The following MAP2K6 variants were observed in gnomAD, a reference collection of about 807,000 sequenced individuals.
The protein encoded by MAP2K6 is dual specificity mitogen-activated protein kinase kinase 6.
MAP2K6 carries 16 observed loss-of-function variants against 53.7 expected under a neutral mutation model. The ratio of observed to expected loss-of-function variants is 0.30; its 90% confidence interval spans 0.20 to 0.45. The LOEUF is 0.45. Among genes scored for constraint, MAP2K6 ranks in the 20% least tolerant of loss-of-function variants. The pLI, the probability that MAP2K6 is intolerant of heterozygous loss-of-function variation, is 1.00. For synonymous variants in MAP2K6, 132 were observed against 143.1 expected (o/e 0.92, Z 0.55); for missense variants, 204 against 411.9 (o/e 0.50, Z 4.37).
intron 7 of MAP2K6, among the ~76,000 whole-genome samples, chr17:69,523,223 C>T (rs999885872): frequency 6.6e-6 from 1 of 152,150 alleles, no homozygotes; most frequent in Non-Finnish European, 1.5e-5. Context: ...TTTTTAGGCT[C>T]TTACTACAAG....
intron 4 of MAP2K6, among the ~76,000 whole-genome samples, chr17:69,518,568 T>C (rs1440194918): frequency 1.3e-5 from 2 of 152,198 alleles, no homozygotes; most frequent in East Asian, 3.8e-4. Flanking sequence ...TCATAAAGAA[T>C]TAACATCTCT....
intron 1 of MAP2K6, among the ~76,000 whole-genome samples, chr17:69,425,185 T>C (rs1906228327): frequency 1.3e-5 from 2 of 152,196 alleles, no homozygotes; most frequent in Non-Finnish European, 2.9e-5. Flanking sequence ...AAATGATGAA[T>C]GAACCCACAT....
intron 1 of MAP2K6, among the ~76,000 whole-genome samples, chr17:69,478,828 A>G (rs896012346): frequency 6.6e-6 from 1 of 152,072 alleles, no homozygotes; most frequent in African/African-American, 2.4e-5. Flanking sequence ...TGAAAGTGCT[A>G]TGTATTTATC....
At chr17:69,517,031 A>G in intron 3 of MAP2K6, 128 bp downstream of exon 3, 1 of 702,012 alleles carries the variant, frequency 1.4e-6, no homozygotes, top group Non-Finnish European at 2.4e-6. Context: ...TTTAAAGGGA[A>G]GTGGTATGCA....
chr17:69,450,957 T>G (rs1033972445), intron 1 of MAP2K6, among the ~76,000 whole-genome samples: 4 of 151,782 alleles, frequency 2.6e-5, no homozygotes, highest in African/African-American at 9.7e-5. Context: ...ATCCTGAAAA[T>G]GTTTATGGAA....
chr17:69,518,867 T>C lies in MAP2K6; in HGVS notation c.247-446T>C, dbSNP rs181071525. Among the ~76,000 whole-genome samples the C allele has an allele frequency of 4.8e-3, 736 of 152,332 alleles. 9 individuals are homozygous for C. The highest frequency in any genetic ancestry group is 7.5e-3 in the Admixed American group (115 of 15,304). On this transcript the variant is annotated intron_variant, in intron 4 of 11. Coordinates refer to ENST00000590474, the MANE Select transcript of MAP2K6 (RefSeq NM_002758.4). ...TTCTCTATTTCTCTAATTGCTTCTATTTTGTATAGCTGTACCAATTCTCTT... is the reference window on the plus strand; with the variant it reads ...TTCTCTATTTCTCTAATTGCTTCTACTTTGTATAGCTGTACCAATTCTCTT...
intron 10 of MAP2K6, among the ~76,000 whole-genome samples, chr17:69,532,022 G>C (rs985414459): frequency 6.6e-6 from 1 of 152,222 alleles, no homozygotes; most frequent in African/African-American, 2.4e-5. Flanking sequence ...CCGAGTGCCA[G>C]ATCAGCTGGA....
Position 69,414,935 on chromosome 17 carries a change from G to T in MAP2K6, c.-50G>T. ...TTGCAAAACTAGCTACAGAAGAGAA[G>T]CAAGGCAAAGTCTTTTGTGCTCCCC... On this transcript the variant is annotated 5_prime_UTR_variant, in exon 1 of 12. Coordinates refer to ENST00000590474, the MANE Select transcript of MAP2K6 (RefSeq NM_002758.4). 6.6e-7 allele frequency: 1 copy of T among 1,517,860 alleles called. No homozygotes were observed. Among genetic ancestry groups the T allele is most frequent in the Non-Finnish European group, 9.1e-7 (1 of 1,094,438 alleles). 94.0% of individuals were successfully genotyped at this position (1,517,860 alleles called of 1,614,324 possible). A position where few individuals can be genotyped will look rare whatever the true frequency, so the allele number is the denominator to read the frequency against.
At chr17:69,490,250 C>A (rs1908690755) in intron 1 of MAP2K6, among the ~76,000 whole-genome samples, 1 of 151,916 alleles carries the variant, frequency 6.6e-6, no homozygotes, top group South Asian at 2.1e-4. Flanking sequence ...TCCTTCCTTG[C>A]TCCACTGAAG....
chr17:69,474,335 TG>T (rs1272365042), intron 1 of MAP2K6, among the ~76,000 whole-genome samples: 1 of 152,222 alleles, frequency 6.6e-6, no homozygotes, highest in Non-Finnish European at 1.5e-5. Context: ...CCCTGCTTCG[TG>T]GCTTTTGTCT....
chr17:69,507,688 G>A (rs991646694), intron 2 of MAP2K6, among the ~76,000 whole-genome samples: 1 of 152,070 alleles, frequency 6.6e-6, no homozygotes, highest in Non-Finnish European at 1.5e-5. Flanking sequence ...CCCATCCATG[G>A]TATGGTTATA....
chr17:69,528,109 CAAAAAAA>C (rs71357724), intron 10 of MAP2K6, among the ~76,000 whole-genome samples: 2 of 75,724 alleles, frequency 2.6e-5, no homozygotes, highest in African/African-American at 1.1e-4. Flanking sequence ...AACTTCGTCT[CAAAAAAA>C]AAAAAAAAAA....
chr17:69,540,629 CA>C (rs1247545144), intron 11 of MAP2K6, among the ~76,000 whole-genome samples: 1 of 152,182 alleles, frequency 6.6e-6, no homozygotes, highest in Non-Finnish European at 1.5e-5. Context: ...AATCACATAC[CA>C]TGCTTGTTCC....
At position 69,505,855 on chromosome 17, in the gene MAP2K6, A is replaced by G. The variant is rs1188989641; in HGVS notation, c.83+9A>G. The stretch of plus-strand genomic sequence containing the variant: ...CCTCAGACCAGTTCCACGTAAGTTG[A>G]CAAGACCATCATCTGAATCCAAATC... On this transcript the variant is annotated intron_variant, in intron 2 of 11. Transcript: ENST00000590474. 2 of 1,611,876 alleles carry G rather than the reference A, an allele frequency of 1.2e-6. No homozygotes were observed. Among genetic ancestry groups the G allele is most frequent in the South Asian group, 1.1e-5 (1 of 91,012 alleles).
At chr17:69,482,177 A>G (rs1420376777) in intron 1 of MAP2K6, among the ~76,000 whole-genome samples, 3 of 152,128 alleles carry the variant, frequency 2.0e-5, no homozygotes, top group African/African-American at 7.2e-5. Context: ...AGATTCAGAA[A>G]AATAACCTAG....
At chr17:69,464,419 G>A (rs2145174043) in intron 1 of MAP2K6, among the ~76,000 whole-genome samples, 1 of 151,434 alleles carries the variant, frequency 6.6e-6, no homozygotes, top group East Asian at 2.0e-4. Context: ...GCTGGAGTTC[G>A]AGTCCAGGCT....
intron 1 of MAP2K6, among the ~76,000 whole-genome samples, chr17:69,500,688 G>A (rs985188160): frequency 5.3e-5 from 8 of 151,884 alleles, no homozygotes; most frequent in Admixed American, 4.6e-4. Flanking sequence ...GCCGGGAGGC[G>A]GAGGTTGCAG....
At chr17:69,444,582 A>T (rs907416832) in intron 1 of MAP2K6, among the ~76,000 whole-genome samples, 3 of 152,168 alleles carry the variant, frequency 2.0e-5, no homozygotes, top group Non-Finnish European at 4.4e-5. Flanking sequence ...CCCCAACCGG[A>T]TGGAGCTGCT....
intron 1 of MAP2K6, 111 bp from the exon 2 acceptor site, chr17:69,505,669 G>A (rs146112558): frequency 1.7e-5 from 14 of 827,236 alleles, no homozygotes; most frequent in Non-Finnish European, 2.9e-5. Context: ...GCTTTGAATG[G>A]AGACATGAGA....
Sources: gnomAD v4.1 joint callset for allele counts (sites outside exome capture counted in the v4.1 genomes callset) on GRCh38, gnomAD v4.1.1 for gene constraint, MANE v1.5 for transcripts, NCBI Gene and HGNC (gene_info 2026-07-23, HGNC 2026-07-21) for gene names.